FBN3: variants seen among roughly 807,000 people sequenced by gnomAD.
FBN3 encodes the protein fibrillin-3.
Under a neutral mutation model 330.1 loss-of-function variants are expected in FBN3, and 234 were observed. That is an observed-to-expected ratio of 0.71 (90% CI 0.64 to 0.79). The LOEUF is 0.79. Among genes scored for constraint, FBN3 ranks in the 30% least tolerant of loss-of-function variants. The pLI, the probability that FBN3 is intolerant of heterozygous loss-of-function variation, is 0.00. For missense variants in FBN3, 3,606 were observed against 3,886.9 expected, an observed-to-expected ratio of 0.93 and a Z score of 1.92; for synonymous variants, 1,458 against 1,517.3, an observed-to-expected ratio of 0.96 and a Z score of 0.91.
At chr19:8,116,869 C>A in intron 28 of FBN3, 70 bp from the exon 29 acceptor site, 1 of 1,552,726 alleles carries the variant, frequency 6.4e-7, no homozygotes, top group South Asian at 1.2e-5. Flanking sequence ...ATCTGCTCCC[C>A]AGGCCCCAGG....
chr19:8,135,936 G>GGGGGGGGGGGGCCGCGCC, intron 13 of FBN3, 25 bp downstream of exon 13: 1 of 668,778 alleles, frequency 1.5e-6, no homozygotes, highest in Non-Finnish European at 2.4e-6. Flanking sequence ...GGAAGCCCCT[G>GGGGGGGGGGGGCCGCGCC]CCCACCCGCC....
chr19:8,123,796 G>T lies in FBN3; in HGVS notation c.2944C>A (p.Pro982Thr), dbSNP rs747769080. 3.1e-6 allele frequency: 5 copies of T among 1,613,088 alleles called. No homozygotes were observed. Among genetic ancestry groups the T allele is most frequent in the Middle Eastern group, 1.7e-4 (1 of 6,058 alleles). The change falls in exon 23 of 64, where the codon CCA (proline) becomes ACA (threonine). Residue 982 changes from proline to threonine, a missense_variant. Physicochemically the swap from Pro to Thr is conservative, Grantham distance 38. Coordinates refer to ENST00000600128, the MANE Select transcript of FBN3 (RefSeq NM_032447.5). ...TCCCCAACCGCACCTTTATAGAATG[G>T]TCGGCCAGACAGGAAGTCCCGGCTG... is the stretch of plus-strand genomic sequence containing the variant. ...FASRDFLSGR[P>T]FYKDVNECKV...
At position 8,077,747 on chromosome 19, in the gene FBN3, T is replaced by C. The variant is rs545295831; in HGVS notation, c.7454-2336A>G. On this transcript the variant is annotated intron_variant, in intron 59 of 63. Transcript: ENST00000600128. ...CCCCTGCGGCTGCCTGAGCTGTCAC[T>C]TGAGGGGCCACAGAGAATAGCTCTA... Among the ~76,000 whole-genome samples the C allele has an allele frequency of 2.0e-5, 3 of 152,090 alleles. No homozygotes were observed. The South Asian group carries it at 6.2e-4, about 32-fold the overall frequency.
chr19:8,075,126 G>T lies in FBN3; in HGVS notation c.7647C>A (p.Tyr2549Ter). 6.3e-7 allele frequency: 1 copy of T among 1,588,318 alleles called. No homozygotes were observed. The highest frequency in any genetic ancestry group is 1.1e-5 in the South Asian group (1 of 87,072). ...TGAAACCCTGGGGGCAGCTGCAGCG[G>T]TAGCCCCCTAGCTGGTTCTGACAGC... ...QHGCQNQLGG[Y>*]RCSCPQGFTQ... Residue 2549 changes from tyrosine to a stop codon, truncating the protein, a stop_gained, in exon 61 of 64, where the codon TAC becomes TAA. Coordinates refer to ENST00000600128, the MANE Select transcript of FBN3 (RefSeq NM_032447.5). LOFTEE classifies it high-confidence loss of function.
chr19:8,067,549 T>A (rs2081420493), intron 63 of FBN3, among the ~76,000 whole-genome samples: 2 of 150,870 alleles, frequency 1.3e-5, no homozygotes, highest in Admixed American at 6.6e-5. Context: ...ATGTGGGAGG[T>A]CCCAGGAGTT....
At chr19:8,140,037 G>A (rs1378045944) in intron 8 of FBN3, among the ~76,000 whole-genome samples, 2 of 152,092 alleles carry the variant, frequency 1.3e-5, no homozygotes, top group African/African-American at 2.4e-5. Context: ...CTGCCCAGAC[G>A]AGGAGAGATC....
At chr19:8,067,529 T>C (rs1177409844) in intron 63 of FBN3, among the ~76,000 whole-genome samples, 1 of 151,746 alleles carries the variant, frequency 6.6e-6, no homozygotes, top group Non-Finnish European at 1.5e-5. Context: ...CCCAGCTACT[T>C]AGGAGGCTGA....
intron 7 of FBN3, 28 bp downstream of exon 7, chr19:8,141,911 TC>T (rs1230587877): frequency 6.2e-7 from 1 of 1,613,106 alleles, no homozygotes; most frequent in Non-Finnish European, 8.5e-7. Flanking sequence ...AGCTAAGGCC[TC>T]CCACTCAGCC....
Position 8,087,170 on chromosome 19 carries a change from G to A in FBN3, c.6661C>T (p.Arg2221Trp), listed in dbSNP as rs202020932. ...ATGAGGTTCTTGCACTCCATGCCCC[G>A]GGCGTGGCAGTCCTGCTGACCATCT... is the stretch of plus-strand genomic sequence containing the variant. ...CADGQQDCHARGMECKNLIGT... is the reference protein window; with the variant it reads ...CADGQQDCHAWGMECKNLIGT... Residue 2221 changes from arginine to tryptophan, a missense_variant, in exon 54 of 64, where the codon CGG becomes TGG. Coordinates refer to ENST00000600128, the MANE Select transcript of FBN3 (RefSeq NM_032447.5). 1.9e-5 allele frequency: 31 copies of A among 1,606,710 alleles called. No homozygotes were observed. Among genetic ancestry groups the A allele is most frequent in the African/African-American group, 2.7e-5 (2 of 74,756 alleles).
At position 8,111,955 on chromosome 19, in the gene FBN3, C is replaced by G. The variant is rs1232344953; in HGVS notation, c.3961+22G>C. On this transcript the variant is annotated intron_variant, in intron 31 of 63. Coordinates refer to ENST00000600128, the MANE Select transcript of FBN3 (RefSeq NM_032447.5). Reference sequence around the variant, plus strand: ...ACCTACCTCTACTGCTTTGCCCCCACTCCCTGCCCCCAGGTACTCACCGTG... The same window carrying G: ...ACCTACCTCTACTGCTTTGCCCCCAGTCCCTGCCCCCAGGTACTCACCGTG... 3 of 1,465,460 alleles carry G rather than the reference C, an allele frequency of 2.0e-6. No individual in the cohort carries two copies. In the African/African-American group the frequency reaches 4.4e-5, roughly 21 times the overall value. The allele number at this position is 1,465,460 out of a possible 1,614,324, so 90.8% of individuals were successfully genotyped here. A position where few individuals can be genotyped will look rare whatever the true frequency, so the allele number is the denominator to read the frequency against.
intron 13 of FBN3, among the ~76,000 whole-genome samples, chr19:8,133,955 G>A (rs1266113500): frequency 5.3e-5 from 8 of 151,276 alleles, no homozygotes; most frequent in African/African-American, 1.9e-4. Flanking sequence ...GGCTGGGTGC[G>A]GTGGTTCACG....
chr19:8,126,423 G>C (rs1220972110), intron 20 of FBN3, 45 bp downstream of exon 20: 4 of 1,597,890 alleles, frequency 2.5e-6, no homozygotes, highest in Non-Finnish European at 2.6e-6. Flanking sequence ...GCCCCATGGA[G>C]GGCTTTTCCC....
intron 18 of FBN3, among the ~76,000 whole-genome samples, chr19:8,127,272 G>A (rs1292195046): frequency 6.6e-6 from 1 of 151,870 alleles, no homozygotes; most frequent in Non-Finnish European, 1.5e-5. Context: ...TGTTGGCCAG[G>A]CTGGTCTCAA....
At chr19:8,093,826 C>G (rs8107566) in intron 47 of FBN3, among the ~76,000 whole-genome samples, 96,450 of 152,036 alleles carry the variant, frequency 0.63, 31,243 homozygotes, top group East Asian at 0.9. Context: ...ATCAGAAGAG[C>G]CCAGGCCAGA....
chr19:8,134,118 T>C (rs942430634), intron 13 of FBN3, among the ~76,000 whole-genome samples: 17 of 150,504 alleles, frequency 1.1e-4, no homozygotes, highest in African/African-American at 4.1e-4. Context: ...GGTGGGTGCC[T>C]GTGGTCCCAG....
intron 8 of FBN3, among the ~76,000 whole-genome samples, chr19:8,139,141 G>A (rs982722222): frequency 5.3e-5 from 8 of 152,040 alleles, no homozygotes; most frequent in African/African-American, 1.9e-4. Context: ...GAGGTCAGGA[G>A]TTCAAGAAGA....
chr19:8,113,923 G>A (rs1025300642), intron 30 of FBN3, among the ~76,000 whole-genome samples: 1 of 151,844 alleles, frequency 6.6e-6, no homozygotes, highest in African/African-American at 2.4e-5. Flanking sequence ...CTGGAGAGGT[G>A]GAGGCTGCAG....
Position 8,066,013 on chromosome 19 carries a change from C to T in FBN3, c.8336G>A (p.Ser2779Asn), listed in dbSNP as rs368512640. 1 of 1,613,000 alleles carries T rather than the reference C, an allele frequency of 6.2e-7. No homozygotes were observed. Among genetic ancestry groups the T allele is most frequent in the Admixed American group, 1.7e-5 (1 of 60,028 alleles). Residue 2779 changes from serine (S) to asparagine (N), a missense_variant, in exon 64 of 64, where the codon AGC becomes AAC. By Grantham distance (46) the Ser-to-Asn change is conservative (BLOSUM62 1). Coordinates refer to ENST00000600128, the MANE Select transcript of FBN3 (RefSeq NM_032447.5). ...GPGTYRLEVV[S>N]HMAGPWGVQP... is the part of the protein sequence containing the mutation. ...GACACCCCAGGGTCCTGCCATGTGG[C>T]TCACCACCTCCAGCCGGTAGGTTCC...
At chr19:8,085,294 G>T in intron 56 of FBN3, 69 bp downstream of exon 56, 3 of 1,336,520 alleles carry the variant, frequency 2.2e-6, no homozygotes, top group South Asian at 1.3e-5. Flanking sequence ...CTGCAGTACA[G>T]ACACATGACC....
Sources: allele counts gnomAD v4.1 joint callset (sites outside exome capture counted in the v4.1 genomes callset), GRCh38; gene constraint gnomAD v4.1.1; transcripts MANE v1.5; gene names NCBI Gene and HGNC (gene_info 2026-07-23, HGNC 2026-07-21).